GINM1: variants seen among roughly 807,000 people sequenced by gnomAD.
GINM1 encodes glycoprotein integral membrane protein 1.
Under a neutral mutation model 37.8 loss-of-function variants are expected in GINM1, and 29 were observed. That is an observed-to-expected ratio of 0.77 (90% CI 0.57 to 1.05). GINM1 has a LOEUF of 1.05. Ranked by LOEUF, GINM1 falls within the 50% of genes least tolerant of loss-of-function variation. GINM1 has a pLI of 0.00. For synonymous variants in GINM1, 143 were observed against 146.2 expected, an observed-to-expected ratio of 0.98 and a Z score of 0.16; for missense variants, 377 against 397.9, an observed-to-expected ratio of 0.95 and a Z score of 0.45.
At chr6:149,570,643 C>T (rs540903385) in intron 1 of GINM1, among the ~76,000 whole-genome samples, 1 of 152,238 alleles carries the variant, frequency 6.6e-6, no homozygotes, top group South Asian at 2.1e-4. Flanking sequence ...CTTATTCTCT[C>T]ATTTGTGGGA....
At chr6:149,568,493 C>A (rs73604784) in intron 1 of GINM1, among the ~76,000 whole-genome samples, 4,076 of 152,334 alleles carry the variant, frequency 0.027, 164 homozygotes, top group African/African-American at 0.093. Context: ...CACTAGACTG[C>A]TGTGGCCACT....
intron 1 of GINM1, among the ~76,000 whole-genome samples, chr6:149,570,429 C>T (rs1355422534): frequency 2.6e-5 from 4 of 151,998 alleles, no homozygotes; most frequent in African/African-American, 9.7e-5. Context: ...TTTAGATGCA[C>T]TATTGGTTCT....
At position 149,580,560 on chromosome 6, in the gene GINM1, C is replaced by G. The variant is rs566787425; in HGVS notation, c.587-33C>G. ...TAGGACTAGTAGGATAAGACACCAG[C>G]ATTTTGGTAACGTTGCTCTTTCTCC... On this transcript the variant is annotated intron_variant, in intron 5 of 7. Transcript: ENST00000367419. The G allele has an allele frequency of 3.8e-5, 61 of 1,588,666 alleles. No homozygotes were observed. The African/African-American group carries it at 8.2e-4, about 21-fold the overall frequency.
chr6:149,572,579 C>G lies in GINM1; in HGVS notation c.253C>G (p.Arg85Gly). Reference sequence around the variant, plus strand: ...CTTACCTGTAAATAGTGGTGTAACCCGAATAAGCTGTCAGACTTTGATAGG... The same window carrying G: ...CTTACCTGTAAATAGTGGTGTAACCGGAATAAGCTGTCAGACTTTGATAGG... ...NDLPVNSGVT[R>G]ISCQTLIVKN... The change falls in exon 3 of 8, where the codon CGA becomes GGA. Residue 85 changes from arginine to glycine, a missense_variant. Coordinates refer to ENST00000367419, the MANE Select transcript of GINM1 (RefSeq NM_138785.5). 1.3e-6 allele frequency: 2 copies of G among 1,595,340 alleles called. No homozygotes were observed. The highest frequency in any genetic ancestry group is 1.7e-6 in the Non-Finnish European group (2 of 1,163,958).
intron 3 of GINM1, among the ~76,000 whole-genome samples, chr6:149,574,798 A>G (rs1777890120): frequency 6.6e-6 from 1 of 152,124 alleles, no homozygotes; most frequent in Non-Finnish European, 1.5e-5. Context: ...AGCTCAGGAG[A>G]TAGAGGCTGC....
Position 149,577,442 on chromosome 6 carries a change from TGAG to T in GINM1, c.278-1376_278-1374del, listed in dbSNP as rs1216241036. ...GAGAGAGGAGCAGCGAGGGGCCAGA[TGAG>T]GAGCCTGAGGAGGACCAGTGAGAGG... On this transcript the variant is annotated intron_variant, in intron 3 of 7. Transcript: ENST00000367419. 2.6e-5 allele frequency: 4 copies of T among 153,084 alleles called. No individual in the cohort carries two copies. The South Asian group carries it at 6.2e-4, about 24-fold the overall frequency. The allele number at this position is 153,084 out of a possible 1,614,324, so 9.5% of individuals were successfully genotyped here. A position where few individuals can be genotyped will look rare whatever the true frequency, so the allele number is the denominator to read the frequency against.
chr6:149,575,653 G>A (rs908793292), intron 3 of GINM1, among the ~76,000 whole-genome samples: 1 of 152,208 alleles, frequency 6.6e-6, no homozygotes, highest in Admixed American at 6.5e-5. Flanking sequence ...GGTTTTGTGT[G>A]TATGTGTGGG....
chr6:149,566,443 C>T lies in GINM1; in HGVS notation c.29C>T (p.Ala10Val). 1 of 1,573,674 alleles carries T rather than the reference C, an allele frequency of 6.4e-7. No individual in the cohort carries two copies. Among genetic ancestry groups the T allele is most frequent in the Non-Finnish European group, 8.5e-7 (1 of 1,170,506 alleles). MEGAPPGSL[A>V]LRLLLFVALP... ...GAGGGCGCTCCACCGGGGTCGCTCG[C>T]CCTCCGGCTCCTGCTGTTCGTGGCG... The change falls in exon 1 of 8, where the codon GCC (alanine) becomes GTC (valine). Residue 10 changes from alanine to valine, a missense_variant. Transcript: ENST00000367419. This position sits in a 1 kb window ranked among gnomAD's most constrained non-coding sequence, Gnocchi z 4.4.
rs1186803758 is a variant in GINM1 at position 149,591,450 on chromosome 6, T to C, written c.*612T>C. On this transcript the variant is annotated 3_prime_UTR_variant, in exon 8 of 8. Transcript: ENST00000367419. ...ACAAAATCTCATGTGCCAATAACTT[T>C]TCAAGGTGCCTTTGTTAAGGAAATT... The C allele has an allele frequency of 1.3e-5, 2 of 152,144 alleles. No individual in the cohort carries two copies. The highest frequency in any genetic ancestry group is 4.8e-5 in the African/African-American group (2 of 41,464). The allele number at this position is 152,144 out of a possible 1,614,324, so 9.4% of individuals were successfully genotyped here.
chr6:149,575,227 C>T (rs1315421661), intron 3 of GINM1, among the ~76,000 whole-genome samples: 1 of 152,142 alleles, frequency 6.6e-6, no homozygotes, highest in East Asian at 1.9e-4. Context: ...TGCATTGTGC[C>T]CTGGTTGTCA....
chr6:149,567,291 C>T (rs1036045979), intron 1 of GINM1, among the ~76,000 whole-genome samples: 1 of 152,208 alleles, frequency 6.6e-6, no homozygotes, highest in African/African-American at 2.4e-5. Context: ...AGGCCAGTAT[C>T]AGCCTTTTTT....
chr6:149,568,448 T>C (rs1777755963), intron 1 of GINM1, among the ~76,000 whole-genome samples: 1 of 152,276 alleles, frequency 6.6e-6, no homozygotes, highest in Admixed American at 6.5e-5. Context: ...ACTTTCTGCC[T>C]TGATGGTTAT....
chr6:149,579,558 G>A (rs1254484981), intron 4 of GINM1, among the ~76,000 whole-genome samples: 1 of 152,168 alleles, frequency 6.6e-6, no homozygotes, highest in Admixed American at 6.5e-5. Context: ...TGGGCATGGT[G>A]GCGCATGCCT....
At chr6:149,589,976 T>TGG (rs1778130520) in intron 7 of GINM1, among the ~76,000 whole-genome samples, 2 of 152,200 alleles carry the variant, frequency 1.3e-5, no homozygotes, top group Admixed American at 1.3e-4. Context: ...TAATTTTTTC[T>TGG]ATTTTTAGTA....
intron 3 of GINM1, among the ~76,000 whole-genome samples, chr6:149,574,150 A>G (rs530463314): frequency 6.6e-6 from 1 of 150,444 alleles, no homozygotes; most frequent in Non-Finnish European, 1.5e-5. Flanking sequence ...TCCTGGGTTC[A>G]AGTGATTCTC....
rs549124820 is a variant in GINM1 at position 149,570,036 on chromosome 6, A to G, written c.121-2249A>G. Among the ~76,000 whole-genome samples the G allele has an allele frequency of 1.5e-4, 23 of 150,926 alleles. 1 individual carries two copies. The highest frequency in any genetic ancestry group is 1.3e-3 in the Admixed American group (20 of 15,096). On this transcript the variant is annotated intron_variant, in intron 1 of 7. Transcript: ENST00000367419. ...TTTTGCAGTGAAATCATTCAGAAAG[A>G]CCAGAAAATAATTTTGTTGTACTTG...
intron 2 of GINM1, 73 bp from the exon 3 acceptor site, chr6:149,572,434 A>G (rs1777842120): frequency 2.4e-6 from 3 of 1,269,426 alleles, no homozygotes; most frequent in South Asian, 1.3e-5. Context: ...CATTTAGTTA[A>G]TCTTTTTTGA....
At chr6:149,580,457 C>T (rs546758509) in intron 5 of GINM1, 136 bp from the exon 6 acceptor site, 1 of 684,366 alleles carries the variant, frequency 1.5e-6, no homozygotes, top group African/African-American at 1.8e-5. Flanking sequence ...AATCAGTGAA[C>T]ATTCAGATGT....
chr6:149,573,034 A>T (rs907336012), intron 3 of GINM1, among the ~76,000 whole-genome samples: 11 of 152,310 alleles, frequency 7.2e-5, no homozygotes, highest in African/African-American at 2.6e-4. Context: ...ATTTTAAAGT[A>T]AAAATAGGCT....
Sources: gnomAD v4.1 joint callset for allele counts (sites outside exome capture counted in the v4.1 genomes callset) on GRCh38, gnomAD v4.1.1 for gene constraint, Gnocchi (gnomAD v3.1) non-coding constraint, MANE v1.5 for transcripts, NCBI Gene and HGNC (gene_info 2026-07-23, HGNC 2026-07-21) for gene names.